Variants in AAK1 observed in about 807,000 individuals in gnomAD.
The protein encoded by AAK1 is AP2-associated protein kinase 1.
Under a neutral mutation model 116.0 loss-of-function variants are expected in AAK1, and 37 were observed. That is an observed-to-expected ratio of 0.32 (90% CI 0.25 to 0.42). The LOEUF (loss-of-function observed/expected upper bound fraction) is 0.42, where lower values mean the gene tolerates loss of function less well. Among genes scored for constraint, AAK1 ranks in the 10% least tolerant of loss-of-function variants. AAK1 has a pLI of 1.00. For missense variants in AAK1, 919 were observed against 1,170.6 expected (o/e 0.79, Z 3.14); for synonymous variants, 458 against 439.9 (o/e 1.04, Z -0.51).
chr2:69,634,754 T>C (rs1305903862), intron 2 of AAK1, among the ~76,000 whole-genome samples: 1 of 152,250 alleles, frequency 6.6e-6, no homozygotes, highest in Non-Finnish European at 1.5e-5. Context: ...GTCTTTTCTC[T>C]GTAACCTCAC....
At chr2:69,479,121 T>C in intron 19 of AAK1, 60 bp from the exon 20 acceptor site, 1 of 1,116,914 alleles carries the variant, frequency 9.0e-7, no homozygotes. Context: ...CACACAACAA[T>C]ATCATGAGAT....
At chr2:69,584,634 G>A (rs1022013451) in intron 2 of AAK1, among the ~76,000 whole-genome samples, 3 of 152,044 alleles carry the variant, frequency 2.0e-5, no homozygotes, top group Non-Finnish European at 4.4e-5. Flanking sequence ...GATTTCTAAG[G>A]GACACTACGT....
At chr2:69,615,074 C>T (rs1305104796) in intron 2 of AAK1, among the ~76,000 whole-genome samples, 1 of 152,076 alleles carries the variant, frequency 6.6e-6, no homozygotes, top group Non-Finnish European at 1.5e-5. Context: ...AATATGACCC[C>T]AACCACGAGG....
intron 16 of AAK1, among the ~76,000 whole-genome samples, chr2:69,503,950 G>A (rs1222603327): frequency 6.7e-6 from 1 of 148,948 alleles, no homozygotes; most frequent in Non-Finnish European, 1.5e-5. Flanking sequence ...AGTGAGCCAA[G>A]ATCGCACCAT....
intron 15 of AAK1, among the ~76,000 whole-genome samples, chr2:69,506,966 G>T (rs554425578): frequency 6.6e-6 from 1 of 151,944 alleles, no homozygotes; most frequent in Non-Finnish European, 1.5e-5. Context: ...ATCTTTCTGT[G>T]TAGTACAGTA....
chr2:69,535,514 T>C (rs1224373783), intron 5 of AAK1, among the ~76,000 whole-genome samples: 4 of 152,156 alleles, frequency 2.6e-5, no homozygotes, highest in Non-Finnish European at 5.9e-5. Context: ...TATACTTGCC[T>C]GGTAGTGATA....
chr2:69,470,671 C>G lies in AAK1; in HGVS notation c.*5198G>C, dbSNP rs1023828316. On this transcript the variant is annotated 3_prime_UTR_variant, in exon 22 of 22. Coordinates refer to ENST00000409085, the MANE Select transcript of AAK1 (RefSeq NM_014911.5). ...GCAAACCTGCGCTCCATTTTACAAC[C>G]CTGAGTCTGGTCATATCCAGTGTAG... 8 of 985,242 alleles carry G rather than the reference C, an allele frequency of 8.1e-6. No homozygotes were observed. Among genetic ancestry groups the G allele is most frequent in the Admixed American group, 6.2e-5 (1 of 16,240 alleles). The allele number at this position is 985,242 out of a possible 1,614,324, so 61.0% of individuals were successfully genotyped here.
Position 69,473,116 on chromosome 2 carries a change from A to C in AAK1, c.*2753T>G. On this transcript the variant is annotated 3_prime_UTR_variant, in exon 22 of 22. Transcript: ENST00000409085. ...AGTCCAAACCCATCGTATAACTCTA[A>C]GGAACAGCAACTCTGAGAGGTGAAG... The C allele has an allele frequency of 5.8e-6, 5 of 866,646 alleles. No individual in the cohort carries two copies. The highest frequency in any genetic ancestry group is 6.9e-6 in the Non-Finnish European group (5 of 721,600). 53.7% of individuals were successfully genotyped at this position (866,646 alleles called of 1,614,324 possible). A position where few individuals can be genotyped will look rare whatever the true frequency, so the allele number is the denominator to read the frequency against.
intron 2 of AAK1, among the ~76,000 whole-genome samples, chr2:69,577,004 G>T (rs752810411): frequency 6.6e-6 from 1 of 152,218 alleles, no homozygotes; most frequent in South Asian, 2.1e-4. Context: ...CATCTGTTTA[G>T]GACACATCCA....
intron 3 of AAK1, among the ~76,000 whole-genome samples, chr2:69,546,356 C>T (rs1312915590): frequency 6.6e-6 from 1 of 152,116 alleles, no homozygotes; most frequent in Non-Finnish European, 1.5e-5. Flanking sequence ...TTTTCCCAAA[C>T]AGAAAATGAT....
At chr2:69,621,746 T>C (rs79793909) in intron 2 of AAK1, among the ~76,000 whole-genome samples, 4,643 of 152,262 alleles carry the variant, frequency 0.03, 238 homozygotes, top group African/African-American at 0.11. Context: ...TCTTCCCTCT[T>C]TCAACCTTCC....
intron 2 of AAK1, among the ~76,000 whole-genome samples, chr2:69,642,422 T>C (rs1265471671): frequency 6.6e-6 from 1 of 151,996 alleles, no homozygotes; most frequent in African/African-American, 2.4e-5. Context: ...AAATCCTCTC[T>C]TCCTTCCAAT....
chr2:69,557,101 T>C, intron 2 of AAK1, 123 bp from the exon 3 acceptor site: 1 of 696,566 alleles, frequency 1.4e-6, no homozygotes, highest in Admixed American at 2.1e-5. Context: ...CAGCCAGCCT[T>C]TAGGGCTAGC....
In AAK1 at chr2:69,467,132, C is replaced by A; in HGVS notation, c.*8737G>T. The A allele has an allele frequency of 2.0e-6, 2 of 985,444 alleles. No individual in the cohort carries two copies. Among genetic ancestry groups the A allele is most frequent in the Non-Finnish European group, 2.4e-6 (2 of 829,928 alleles). 61.0% of individuals were successfully genotyped at this position (985,444 alleles called of 1,614,324 possible). A position where few individuals can be genotyped will look rare whatever the true frequency, so the allele number is the denominator to read the frequency against. On this transcript the variant is annotated 3_prime_UTR_variant, in exon 22 of 22. Transcript: ENST00000409085. The stretch of plus-strand genomic sequence containing the variant: ...GCCCAAAATATAAATACTGAAGGTA[C>A]CTTCTGAGGGGAGCATACAGCATCA...
Position 69,479,002 on chromosome 2 carries a change from CAGT to C in AAK1, c.2626_2628del (p.Thr876del). 1 of 1,613,876 alleles carries C rather than the reference CAGT, an allele frequency of 6.2e-7. No individual in the cohort carries two copies. The highest frequency in any genetic ancestry group is 1.3e-5 in the African/African-American group (1 of 75,004). On this transcript the variant is annotated inframe_deletion, in exon 20 of 22. Coordinates refer to ENST00000409085, the MANE Select transcript of AAK1 (RefSeq NM_014911.5). ...GTGGGGGCAAACTCTTCCAGAAGGT[CAGT>C]AGTAGGGTTAGAGAGCAGAGAGCAA...
intron 17 of AAK1, among the ~76,000 whole-genome samples, chr2:69,493,646 G>T (rs1558907411): frequency 6.6e-6 from 1 of 152,208 alleles, no homozygotes; most frequent in Non-Finnish European, 1.5e-5. Context: ...GACAGATGAG[G>T]CCCCTCCCTC....
At chr2:69,596,335 C>A (rs560449536) in intron 2 of AAK1, among the ~76,000 whole-genome samples, 27 of 152,048 alleles carry the variant, frequency 1.8e-4, no homozygotes, top group African/African-American at 5.5e-4. Context: ...ATTCTCCCCA[C>A]CTCAGCCTCC....
At chr2:69,572,885 T>A (rs573493559) in intron 2 of AAK1, among the ~76,000 whole-genome samples, 5 of 151,784 alleles carry the variant, frequency 3.3e-5, no homozygotes, top group Non-Finnish European at 7.4e-5. Flanking sequence ...AGCTGGGTAA[T>A]AGGAAGAGAA....
intron 2 of AAK1, among the ~76,000 whole-genome samples, chr2:69,642,373 G>T (rs905175744): frequency 1.7e-4 from 26 of 152,118 alleles, no homozygotes; most frequent in African/African-American, 4.8e-4. Context: ...AATCCACCAA[G>T]AGCCTTGGCC....
Sources: gnomAD v4.1 joint callset for allele counts (sites outside exome capture counted in the v4.1 genomes callset) on GRCh38, gnomAD v4.1.1 for gene constraint, MANE v1.5 for transcripts, NCBI Gene and HGNC (gene_info 2026-07-23, HGNC 2026-07-21) for gene names.